CHL1: variants seen among roughly 807,000 people sequenced by gnomAD.
CHL1 encodes the protein neural cell adhesion molecule L1-like protein.
Under a neutral mutation model 141.9 loss-of-function variants are expected in CHL1, and 96 were observed. That is an observed-to-expected ratio of 0.68 (90% CI 0.57 to 0.80). The LOEUF is 0.80. CHL1 is among the 30% of genes least tolerant of loss of function. The pLI, the probability that CHL1 is intolerant of heterozygous loss-of-function variation, is 0.00. For synonymous variants in CHL1, 613 were observed against 502.2 expected, an observed-to-expected ratio of 1.22 and a Z score of -2.95; for missense variants, 1,820 against 1,457.2, an observed-to-expected ratio of 1.25 and a Z score of -4.05.
chr3:238,473 G>A (rs1692211812), intron 1 of CHL1, among the ~76,000 whole-genome samples: 1 of 152,086 alleles, frequency 6.6e-6, no homozygotes. Flanking sequence ...CATCTATGTA[G>A]AATAGGCATT....
In CHL1 at chr3:307,358, G is replaced by T. The variant is rs181863270; in HGVS notation, c.-94-12325G>T. ...CGTACACTTCACAGAATTATACCCTGTATTCTGTCAGCTTGATGGAGTCCC... is the reference window on the plus strand; with the variant it reads ...CGTACACTTCACAGAATTATACCCTTTATTCTGTCAGCTTGATGGAGTCCC... On this transcript the variant is annotated intron_variant, in intron 2 of 27. Coordinates refer to ENST00000256509, the MANE Select transcript of CHL1 (RefSeq NM_006614.4). 4.3e-4 allele frequency among the ~76,000 whole-genome samples: 66 copies of T among 152,260 alleles called. 1 individual carries two copies. Among genetic ancestry groups the T allele is most frequent in the African/African-American group, 1.5e-3 (64 of 41,566 alleles).
intron 11 of CHL1, among the ~76,000 whole-genome samples, chr3:356,966 T>C (rs1703775403): frequency 6.6e-6 from 1 of 152,188 alleles, no homozygotes; most frequent in African/African-American, 2.4e-5. Context: ...GAATGGACTG[T>C]GTGATTGATA....
At chr3:318,978 C>T (rs533726184) in intron 2 of CHL1, among the ~76,000 whole-genome samples, 2 of 151,616 alleles carry the variant, frequency 1.3e-5, no homozygotes, top group Admixed American at 1.3e-4. Flanking sequence ...ACTACACAGC[C>T]ATATAAAGAA....
intron 6 of CHL1, among the ~76,000 whole-genome samples, chr3:341,528 C>G (rs1007828737): frequency 7.2e-5 from 11 of 152,084 alleles, no homozygotes; most frequent in African/African-American, 2.7e-4. Context: ...CTTTTTAAAT[C>G]ATGTTTTAAA....
Position 276,803 on chromosome 3 carries a change from A to G in CHL1, c.-95+32111A>G, listed in dbSNP as rs191225240. Among the ~76,000 whole-genome samples, 1,427 of 148,954 alleles carry G rather than the reference A, an allele frequency of 9.6e-3. 21 individuals are homozygous for G. Among genetic ancestry groups the G allele is most frequent in the African/African-American group, 0.031 (1,245 of 40,678 alleles). On this transcript the variant is annotated intron_variant, in intron 2 of 27. Transcript: ENST00000256509. ...ACTCAGGAGGCTGAGGCAGGAGAAT[A>G]GCGTGAACCTGGAAGTCGGAGGTTG...
chr3:384,786 T>C (rs1216278670), intron 19 of CHL1: 2 of 152,206 alleles, frequency 1.3e-5, no homozygotes, highest in African/African-American at 4.8e-5. Context: ...AATATACTAA[T>C]TTATTTCCAC....
chr3:378,196 G>T (rs1406857030), intron 16 of CHL1, among the ~76,000 whole-genome samples: 2 of 152,062 alleles, frequency 1.3e-5, no homozygotes, highest in Non-Finnish European at 2.9e-5. Context: ...GATGCTATCC[G>T]CAGAAAGAAA....
At chr3:260,454 G>A (rs1404107090) in intron 2 of CHL1, among the ~76,000 whole-genome samples, 1 of 152,066 alleles carries the variant, frequency 6.6e-6, no homozygotes, top group Non-Finnish European at 1.5e-5. Flanking sequence ...CTATAATGTA[G>A]GTTTATTATT....
chr3:381,905 C>T (rs1707086679), intron 16 of CHL1, among the ~76,000 whole-genome samples: 1 of 151,956 alleles, frequency 6.6e-6, no homozygotes, highest in African/African-American at 2.4e-5. Context: ...ACCAAACATC[C>T]CTGTGATTCC....
chr3:206,594 G>T (rs1016651288), intron 1 of CHL1, among the ~76,000 whole-genome samples: 4 of 152,058 alleles, frequency 2.6e-5, no homozygotes, highest in African/African-American at 7.2e-5. Flanking sequence ...ATAAAAATTA[G>T]CCAGGTGTGG....
At chr3:341,404 T>C (rs1211157651) in intron 6 of CHL1, among the ~76,000 whole-genome samples, 2 of 152,312 alleles carry the variant, frequency 1.3e-5, no homozygotes, top group Admixed American at 6.5e-5. Flanking sequence ...ATGAAGCTAC[T>C]CTTAGGTACA....
intron 2 of CHL1, among the ~76,000 whole-genome samples, chr3:266,543 C>T (rs534911318): frequency 6.6e-6 from 1 of 152,276 alleles, no homozygotes; most frequent in African/African-American, 2.4e-5. Context: ...TGCTCTTTCT[C>T]TTCTGTGAAA....
intron 1 of CHL1, among the ~76,000 whole-genome samples, chr3:212,919 C>T (rs181932079): frequency 5.9e-5 from 9 of 152,318 alleles, no homozygotes; most frequent in Admixed American, 5.2e-4. Context: ...TTCTAATTCA[C>T]TTAAGATTTT....
At chr3:299,683 C>G (rs1439953347) in intron 2 of CHL1, among the ~76,000 whole-genome samples, 2 of 152,116 alleles carry the variant, frequency 1.3e-5, no homozygotes, top group Non-Finnish European at 2.9e-5. Context: ...TTACTGCAAA[C>G]CCATCCCTCT....
In CHL1 at chr3:338,111, A is replaced by T. The variant is rs390324; in HGVS notation, c.386-2683A>T. Among the ~76,000 whole-genome samples, 34 of 152,072 alleles carry T rather than the reference A, an allele frequency of 2.2e-4. No homozygotes were observed. In the South Asian group the frequency reaches 7.1e-3, roughly 32 times the overall value. On this transcript the variant is annotated intron_variant, in intron 5 of 27. Transcript: ENST00000256509. ...GATCTCCTGACCTTGTGATCCGCCC[A>T]CCTCGGCCTCCCAAAGTGCAAACAT...
At chr3:352,697 C>G (rs1268052217) in intron 10 of CHL1, among the ~76,000 whole-genome samples, 1 of 151,972 alleles carries the variant, frequency 6.6e-6, no homozygotes, top group East Asian at 1.9e-4. Flanking sequence ...CAGCTTACTT[C>G]TATAGGAGAA....
chr3:215,636 G>A (rs1247393563), intron 1 of CHL1, among the ~76,000 whole-genome samples: 1 of 152,154 alleles, frequency 6.6e-6, no homozygotes, highest in African/African-American at 2.4e-5. Context: ...TCATTATGAT[G>A]TACTCCATAG....
intron 1 of CHL1, among the ~76,000 whole-genome samples, chr3:221,690 C>A (rs1195024069): frequency 1.3e-5 from 2 of 152,182 alleles, no homozygotes; most frequent in Non-Finnish European, 2.9e-5. Flanking sequence ...TGTAATCCTT[C>A]CAATGTTCTT....
intron 2 of CHL1, among the ~76,000 whole-genome samples, chr3:265,957 A>G (rs918215737): frequency 2.0e-5 from 3 of 152,126 alleles, no homozygotes; most frequent in African/African-American, 7.2e-5. Context: ...AAAGAAATGG[A>G]TGGTTGGGGC....
Sources: gnomAD v4.1 joint callset for allele counts (sites outside exome capture counted in the v4.1 genomes callset) on GRCh38, gnomAD v4.1.1 for gene constraint, MANE v1.5 for transcripts, NCBI Gene and HGNC (gene_info 2026-07-23, HGNC 2026-07-21) for gene names.